Variants in XYLT1 observed in about 807,000 individuals in gnomAD.
XYLT1 encodes xylosyltransferase 1, also known as beta-D-xylosyltransferase 1.
Under a neutral mutation model 91.3 loss-of-function variants are expected in XYLT1, and 36 were observed. The observed-to-expected ratio is 0.39, with a 90% CI of 0.30 to 0.52. The LOEUF (loss-of-function observed/expected upper bound fraction) is 0.52. Among genes scored for constraint, XYLT1 ranks in the 20% least tolerant of loss-of-function variants. XYLT1 has a pLI of 0.68. For synonymous variants in XYLT1, 588 were observed against 532.0 expected (o/e 1.11, Z -1.45); for missense variants, 1,242 against 1,284.5 (o/e 0.97, Z 0.51).
At chr16:17,261,817 C>T (rs184452306) in intron 2 of XYLT1, among the ~76,000 whole-genome samples, 65 of 152,230 alleles carry the variant, frequency 4.3e-4, no homozygotes, top group Middle Eastern at 3.4e-3. Flanking sequence ...GCTGACCAGT[C>T]CATATTGGGT....
chr16:17,409,952 A>C (rs62030321), intron 1 of XYLT1, among the ~76,000 whole-genome samples: 28,761 of 152,098 alleles, frequency 0.19, 2,963 homozygotes, highest in Admixed American at 0.3. Flanking sequence ...TGAATAATGC[A>C]AGATGATGTA....
At position 17,432,798 on chromosome 16, in the gene XYLT1, G is replaced by T. The variant is rs540631329; in HGVS notation, c.363+37636C>A. 1.4e-3 allele frequency among the ~76,000 whole-genome samples: 208 copies of T among 152,170 alleles called. 1 individual carries two copies. Among genetic ancestry groups the T allele is most frequent in the African/African-American group, 4.7e-3 (196 of 41,504 alleles). On this transcript the variant is annotated intron_variant, in intron 1 of 11. Transcript: ENST00000261381. ...CTGCAATAAACCCAAAGACACGCTG[G>T]TTGTTCTAGAGGAGGCTAAAGCAAG... is the stretch of plus-strand genomic sequence containing the variant.
chr16:17,175,991 T>A (rs750173637), intron 5 of XYLT1, among the ~76,000 whole-genome samples: 1 of 151,958 alleles, frequency 6.6e-6, no homozygotes, highest in African/African-American at 2.4e-5. Context: ...CCTCCACTGG[T>A]CCTCAATCTA....
At chr16:17,304,070 G>A (rs1013069228) in intron 2 of XYLT1, among the ~76,000 whole-genome samples, 11 of 152,026 alleles carry the variant, frequency 7.2e-5, no homozygotes, top group Non-Finnish European at 1.3e-4. Flanking sequence ...TTATGCTAAC[G>A]TTGGAAGGTA....
intron 3 of XYLT1, among the ~76,000 whole-genome samples, chr16:17,238,453 G>C (rs1382607898): frequency 1.3e-5 from 2 of 152,218 alleles, no homozygotes; most frequent in African/African-American, 2.4e-5. Context: ...ACTCAGCTCT[G>C]CCCTTGAGGT....
In XYLT1 at chr16:17,339,728, T is replaced by C. The variant is rs559831891; in HGVS notation, c.402+18284A>G. On this transcript the variant is annotated intron_variant, in intron 2 of 11. Transcript: ENST00000261381. The stretch of plus-strand genomic sequence containing the variant: ...CACTGGTGGCAGGGCACCAGGTCCT[T>C]CATCTTCCAATCCCCAGCACCTAAA... Among the ~76,000 whole-genome samples, 25 of 152,294 alleles carry C rather than the reference T, an allele frequency of 1.6e-4. No individual in the cohort carries two copies. In the South Asian group the frequency reaches 5.2e-3, roughly 32 times the overall value.
At chr16:17,235,309 C>CTTTTTT (rs3060127) in intron 3 of XYLT1, among the ~76,000 whole-genome samples, 1 of 138,256 alleles carries the variant, frequency 7.2e-6, no homozygotes, top group Admixed American at 7.5e-5. Flanking sequence ...TCATTATCAT[C>CTTTTTT]TTTTTTTTTT....
At chr16:17,374,843 C>T (rs2035577792) in intron 1 of XYLT1, among the ~76,000 whole-genome samples, 2 of 152,176 alleles carry the variant, frequency 1.3e-5, no homozygotes, top group South Asian at 4.1e-4. Flanking sequence ...ACCTCCCACA[C>T]ATAACCAAAT....
intron 6 of XYLT1, among the ~76,000 whole-genome samples, chr16:17,145,194 C>T (rs1394759111): frequency 6.6e-6 from 1 of 152,200 alleles, no homozygotes; most frequent in African/African-American, 2.4e-5. Context: ...CAGCAGGTAT[C>T]GGTGCTCCAT....
At chr16:17,136,164 G>A (rs191689368) in intron 8 of XYLT1, among the ~76,000 whole-genome samples, 13 of 152,198 alleles carry the variant, frequency 8.5e-5, no homozygotes, top group Non-Finnish European at 1.9e-4. Flanking sequence ...CCTGTAACTT[G>A]GCAAGGCAGG....
intron 1 of XYLT1, among the ~76,000 whole-genome samples, chr16:17,373,211 T>C (rs574312794): frequency 1.3e-5 from 2 of 152,288 alleles, no homozygotes; most frequent in Admixed American, 1.3e-4. Context: ...TTGGAATCCA[T>C]ATTCACAGTC....
chr16:17,251,257 C>A (rs910714479), intron 3 of XYLT1: 3 of 152,244 alleles, frequency 2.0e-5, no homozygotes, highest in Non-Finnish European at 4.4e-5. Flanking sequence ...CCACAAAGAA[C>A]CCCCTTCTGT....
intron 5 of XYLT1, among the ~76,000 whole-genome samples, chr16:17,159,211 G>C (rs1381735916): frequency 6.6e-6 from 1 of 152,092 alleles, no homozygotes; most frequent in Non-Finnish European, 1.5e-5. Context: ...CTGGCACTGG[G>C]CTTGGCAAAC....
intron 1 of XYLT1, among the ~76,000 whole-genome samples, chr16:17,378,210 G>A (rs2035627062): frequency 6.6e-6 from 1 of 152,116 alleles, no homozygotes; most frequent in African/African-American, 2.4e-5. Context: ...CAAATGGCAC[G>A]AATGTTGAAG....
At chr16:17,143,601 G>A (rs1413193969) in intron 6 of XYLT1, among the ~76,000 whole-genome samples, 2 of 152,240 alleles carry the variant, frequency 1.3e-5, no homozygotes, top group East Asian at 3.8e-4. Flanking sequence ...TGCTGGGAAT[G>A]ATTGTCTTCT....
intron 7 of XYLT1, chr16:17,138,850 TCAGAG>T (rs2030870984): frequency 4.2e-6 from 1 of 235,412 alleles, no homozygotes; most frequent in African/African-American, 2.2e-5. Context: ...GTGGTCCAAC[TCAGAG>T]CGCAGGCGGA....
chr16:17,351,753 G>GGA (rs1567387883), intron 2 of XYLT1, among the ~76,000 whole-genome samples: 2 of 149,808 alleles, frequency 1.3e-5, no homozygotes, highest in African/African-American at 5.0e-5. Flanking sequence ...TTTTTTTGGG[G>GGA]GGGGGTGCTT....
At chr16:17,173,236 G>A (rs1467226616) in intron 5 of XYLT1, among the ~76,000 whole-genome samples, 2 of 152,276 alleles carry the variant, frequency 1.3e-5, no homozygotes, top group East Asian at 1.9e-4. Context: ...AGGACGTGTA[G>A]TAGATGAAGG....
chr16:17,462,556 C>T (rs1217358531), intron 1 of XYLT1, among the ~76,000 whole-genome samples: 1 of 152,304 alleles, frequency 6.6e-6, no homozygotes, highest in East Asian at 1.9e-4. Context: ...GCAAGATGAT[C>T]CGCACTGCAT....
Sources: allele counts gnomAD v4.1 joint callset (sites outside exome capture counted in the v4.1 genomes callset), GRCh38; gene constraint gnomAD v4.1.1; transcripts MANE v1.5; gene names NCBI Gene and HGNC (gene_info 2026-07-23, HGNC 2026-07-21).